BMPER: variants seen among roughly 807,000 people sequenced by gnomAD.
The protein encoded by BMPER is BMP-binding endothelial regulator protein.
In BMPER, 45 loss-of-function variants were observed where a neutral mutation model predicts 87.3. The ratio of observed to expected loss-of-function variants is 0.52; its 90% CI spans 0.41 to 0.66. The LOEUF is 0.66. BMPER is among the 30% of genes least tolerant of loss of function. The probability of loss-of-function intolerance (pLI) is 0.00; values close to 1 mark genes in which losing one functional copy is unlikely to be tolerated. For synonymous variants in BMPER, 326 were observed against 316.2 expected, an observed-to-expected ratio of 1.03 and a Z score of -0.33; for missense variants, 784 against 867.5, an observed-to-expected ratio of 0.90 and a Z score of 1.21.
At chr7:34,087,629 G>A (rs936381070) in intron 13 of BMPER, among the ~76,000 whole-genome samples, 6 of 152,198 alleles carry the variant, frequency 3.9e-5, no homozygotes, top group African/African-American at 9.7e-5. Context: ...CATAGTCAGC[G>A]CTCTATAATT....
intron 2 of BMPER, among the ~76,000 whole-genome samples, chr7:33,912,457 T>C (rs1457384927): frequency 6.6e-6 from 1 of 152,180 alleles, no homozygotes; most frequent in African/African-American, 2.4e-5. Flanking sequence ...TGACTGTGGG[T>C]ATCAACAGTA....
intron 6 of BMPER, among the ~76,000 whole-genome samples, chr7:34,030,049 G>A (rs1787480763): frequency 6.6e-6 from 1 of 151,988 alleles, no homozygotes; most frequent in African/African-American, 2.4e-5. Context: ...TCAATTCTGA[G>A]CAGGAATCTT....
At chr7:34,065,924 G>A (rs147927678) in intron 11 of BMPER, among the ~76,000 whole-genome samples, 8 of 152,294 alleles carry the variant, frequency 5.3e-5, no homozygotes, top group East Asian at 3.9e-4. Context: ...ACATGCATAC[G>A]TCAATTAAAT....
chr7:33,929,276 T>C (rs1173503117), intron 2 of BMPER, among the ~76,000 whole-genome samples: 1 of 152,140 alleles, frequency 6.6e-6, no homozygotes. Flanking sequence ...ACATTAAGTC[T>C]ACAAAATTAT....
chr7:34,077,885 A>G (rs924383720), intron 11 of BMPER, among the ~76,000 whole-genome samples: 1 of 151,778 alleles, frequency 6.6e-6, no homozygotes, highest in Admixed American at 6.6e-5. Flanking sequence ...TCTGGCTATT[A>G]TTCTAGTGTT....
Position 34,114,735 on chromosome 7 carries a change from C to T in BMPER, c.1746-28495C>T, listed in dbSNP as rs541399187. ...TCCTGAGGAAGGTAAGCTTGAGCCG[C>T]CATCTGAAGAAGAGTGGACGCAAAT... On this transcript the variant is annotated intron_variant, in intron 13 of 14. Transcript: ENST00000649409. Among the ~76,000 whole-genome samples, 21 of 152,322 alleles carry T rather than the reference C, an allele frequency of 1.4e-4. No homozygotes were observed. The South Asian group carries it at 3.7e-3, about 27-fold the overall frequency.
At chr7:33,928,674 C>A (rs1784416048) in intron 2 of BMPER, among the ~76,000 whole-genome samples, 3 of 126,846 alleles carry the variant, frequency 2.4e-5, no homozygotes, top group South Asian at 2.7e-4. Flanking sequence ...AGACCTAAAT[C>A]CTTAAACAGA....
chr7:34,041,960 G>T (rs1356145493), intron 6 of BMPER, among the ~76,000 whole-genome samples: 1 of 152,116 alleles, frequency 6.6e-6, no homozygotes, highest in African/African-American at 2.4e-5. Flanking sequence ...CACATCACAC[G>T]CTACAAGGTG....
At chr7:34,074,510 A>G (rs1788814064) in intron 11 of BMPER, among the ~76,000 whole-genome samples, 2 of 152,206 alleles carry the variant, frequency 1.3e-5, no homozygotes, top group Admixed American at 1.3e-4. Flanking sequence ...CAAGCTTGGC[A>G]TCATCACGAC....
chr7:33,905,479 G>C (rs1783784875), upstream of BMPER: 12 of 713,104 alleles, frequency 1.7e-5, no homozygotes, highest in East Asian at 1.5e-4. Flanking sequence ...CCCAGCTCTC[G>C]GGCGCCCGCC....
In BMPER at chr7:33,960,230, A is replaced by G. The variant is rs571940972; in HGVS notation, c.320-6249A>G. ...TTCCCATTAGCCAAAAATAAGCACA[A>G]TTGCCTCCAGGATTCATGGTAGGTA... is the stretch of plus-strand genomic sequence containing the variant. On this transcript the variant is annotated intron_variant, in intron 3 of 14. Transcript: ENST00000649409. Among the ~76,000 whole-genome samples, 14 of 152,330 alleles carry G rather than the reference A, an allele frequency of 9.2e-5. No homozygotes were observed. The East Asian group carries it at 1.3e-3, about 15-fold the overall frequency.
chr7:34,140,078 C>T (rs1396959749), intron 13 of BMPER, among the ~76,000 whole-genome samples: 4 of 152,134 alleles, frequency 2.6e-5, no homozygotes, highest in African/African-American at 4.8e-5. Flanking sequence ...AACAAGGTGT[C>T]GTCCTAGGTT....
chr7:34,109,947 T>G (rs1043655625), intron 13 of BMPER, among the ~76,000 whole-genome samples: 21 of 152,148 alleles, frequency 1.4e-4, no homozygotes, highest in Non-Finnish European at 2.4e-4. Context: ...ATTCTCCTGG[T>G]TTTTAATGTT....
chr7:33,928,247 A>C (rs1403502927), intron 2 of BMPER, among the ~76,000 whole-genome samples: 1 of 152,070 alleles, frequency 6.6e-6, no homozygotes, highest in Non-Finnish European at 1.5e-5. Context: ...GTGAGTTGCA[A>C]CCTACCTGTT....
At chr7:33,983,684 G>A (rs73112306) in intron 6 of BMPER, among the ~76,000 whole-genome samples, 8,516 of 152,122 alleles carry the variant, frequency 0.056, 315 homozygotes, top group Middle Eastern at 0.082. Flanking sequence ...TGATTATAAC[G>A]CTACATGCCA....
chr7:34,109,668 G>T (rs1387133590), intron 13 of BMPER, among the ~76,000 whole-genome samples: 2 of 152,186 alleles, frequency 1.3e-5, no homozygotes, highest in Non-Finnish European at 2.9e-5. Flanking sequence ...TACCAGTTAG[G>T]CTCTGAGGGA....
intron 13 of BMPER, among the ~76,000 whole-genome samples, chr7:34,122,073 T>G (rs1052156819): frequency 7.0e-6 from 1 of 142,968 alleles, no homozygotes; most frequent in Admixed American, 7.4e-5. Context: ...CAGTGAGGCG[T>G]GATTATGCCA....
intron 13 of BMPER, among the ~76,000 whole-genome samples, chr7:34,095,915 C>T (rs538755371): frequency 2.5e-4 from 38 of 151,530 alleles, no homozygotes; most frequent in African/African-American, 8.1e-4. Context: ...GGATCTAACG[C>T]TTCTGAATTT....
At chr7:34,002,911 G>A (rs570080711) in intron 6 of BMPER, among the ~76,000 whole-genome samples, 3 of 151,486 alleles carry the variant, frequency 2.0e-5, no homozygotes, top group African/African-American at 7.2e-5. Flanking sequence ...AATCTAAAGT[G>A]TGTCTCTTGT....
Sources: allele counts gnomAD v4.1 joint callset (sites outside exome capture counted in the v4.1 genomes callset), GRCh38; gene constraint gnomAD v4.1.1; transcripts MANE v1.5; gene names NCBI Gene and HGNC (gene_info 2026-07-23, HGNC 2026-07-21).